C10orf67: variants seen among roughly 807,000 people sequenced by gnomAD.
C10orf67 encodes uncharacterized protein C10orf67, mitochondrial.
A neutral mutation model predicts 35.6 loss-of-function variants in C10orf67; 60 were observed. The observed-to-expected ratio is 1.68, with a 90% CI of 1.37 to 2.09. The LOEUF (loss-of-function observed/expected upper bound fraction) is 2.09, where lower values mean the gene tolerates loss of function less well. C10orf67 is among the 30% of genes most tolerant of loss of function. The pLI, the probability that C10orf67 is intolerant of heterozygous loss-of-function variation, is 0.00. For missense variants in C10orf67, 474 were observed against 330.2 expected (o/e 1.44, Z -3.38); for synonymous variants, 167 against 115.8 (o/e 1.44, Z -2.84).
At chr10:23,304,982 C>T (rs536111127) in intron 4 of C10orf67, among the ~76,000 whole-genome samples, 11 of 152,274 alleles carry the variant, frequency 7.2e-5, no homozygotes, top group East Asian at 5.8e-4. Flanking sequence ...CCACGTAACT[C>T]GGCTGCAACC....
At chr10:23,295,981 C>T (rs1480442540) in intron 5 of C10orf67, among the ~76,000 whole-genome samples, 2 of 152,090 alleles carry the variant, frequency 1.3e-5, no homozygotes, top group Non-Finnish European at 2.9e-5. Flanking sequence ...AAATACGATC[C>T]TTTAGAATGG....
downstream of C10orf67, chr10:23,202,106 C>G (rs1424208011): frequency 4.6e-5 from 7 of 152,240 alleles, no homozygotes; most frequent in African/African-American, 4.8e-5. Flanking sequence ...TCTGTGCGTG[C>G]TCAGGACCCC....
intron 15 of C10orf67, among the ~76,000 whole-genome samples, chr10:23,221,421 T>A (rs1160218824): frequency 6.6e-6 from 1 of 152,170 alleles, no homozygotes; most frequent in East Asian, 1.9e-4. Context: ...ATCTAATACC[T>A]CTTTAATAGG....
At chr10:23,290,137 A>C (rs1237407041) in intron 6 of C10orf67, among the ~76,000 whole-genome samples, 179 bp from the exon 7 acceptor site, 1 of 152,196 alleles carries the variant, frequency 6.6e-6, no homozygotes, top group Non-Finnish European at 1.5e-5. Context: ...TGCTGTTCAG[A>C]TGGCCGGTCA....
chr10:23,341,047 A>G (rs1212840252), intron 1 of C10orf67, among the ~76,000 whole-genome samples: 1 of 152,204 alleles, frequency 6.6e-6, no homozygotes, highest in African/African-American at 2.4e-5. Context: ...TCAGGGCTAA[A>G]TAAGAATATT....
chr10:23,217,360 T>C (rs1841459285), intron 15 of C10orf67, among the ~76,000 whole-genome samples: 2 of 152,220 alleles, frequency 1.3e-5, no homozygotes, highest in Admixed American at 1.3e-4. Flanking sequence ...GGATGTCATG[T>C]CAAACTCAGT....
chr10:23,216,281 T>C (rs561286741), intron 15 of C10orf67, among the ~76,000 whole-genome samples: 82 of 152,272 alleles, frequency 5.4e-4, no homozygotes, highest in African/African-American at 1.9e-3. Context: ...TCTTATTAGT[T>C]ATCAGGGAAT....
chr10:23,225,731 T>C (rs994272030), intron 13 of C10orf67, among the ~76,000 whole-genome samples: 3 of 152,058 alleles, frequency 2.0e-5, no homozygotes, highest in Non-Finnish European at 4.4e-5. Context: ...TAGTCTCTGA[T>C]AAAACAGACT....
chr10:23,281,614 G>T (rs947919439), intron 8 of C10orf67, among the ~76,000 whole-genome samples: 8 of 152,236 alleles, frequency 5.3e-5, no homozygotes, highest in Middle Eastern at 3.4e-3. Context: ...TTTCTTATGA[G>T]ACTAACACAG....
rs112660642 is a variant in C10orf67 at position 23,279,712 on chromosome 10, T to C, written c.975+2301A>G. On this transcript the variant is annotated intron_variant, in intron 8 of 15. Coordinates refer to ENST00000636213, the MANE Select transcript of C10orf67 (RefSeq NM_001371909.1). ...ACTCAGCCTAGGAATCATGGGAAGA[T>C]ACAAAATTATTTCATATGCTTCCTC... Among the ~76,000 whole-genome samples, 150 of 152,138 alleles carry C rather than the reference T, an allele frequency of 9.9e-4. 1 individual carries two copies. Among genetic ancestry groups the C allele is most frequent in the Non-Finnish European group, 1.9e-3 (126 of 68,022 alleles).
Position 23,344,641 on chromosome 10 carries a change from A to C in C10orf67, c.134T>G (p.Leu45Arg). The C allele has an allele frequency of 6.3e-7, 1 of 1,581,056 alleles. No individual in the cohort carries two copies. Among genetic ancestry groups the C allele is most frequent in the Non-Finnish European group, 8.6e-7 (1 of 1,164,186 alleles). ...WEAMKAKATE[L>R]RVCCARRKRE... ...CTTCCTACGCGCGCAGCAGACCCGC[A>C]GCTCGGTGGCCTTGGCTTTCATGGC... The change falls in exon 1 of 16, where the codon CTG becomes CGG. Residue 45 changes from leucine (L) to arginine (R), a missense_variant. Transcript: ENST00000636213.
intron 15 of C10orf67, among the ~76,000 whole-genome samples, chr10:23,213,730 C>T (rs756076785): frequency 6.6e-6 from 1 of 152,048 alleles, no homozygotes; most frequent in Non-Finnish European, 1.5e-5. Context: ...GCTTTCAAAT[C>T]AGCATGGGGG....
intron 15 of C10orf67, among the ~76,000 whole-genome samples, chr10:23,214,530 A>T (rs1841384244): frequency 6.6e-6 from 1 of 152,222 alleles, no homozygotes; most frequent in Non-Finnish European, 1.5e-5. Flanking sequence ...TGTAATAAAA[A>T]TAAAAAATGA....
At chr10:23,270,352 C>T (rs1035073928) in intron 8 of C10orf67, among the ~76,000 whole-genome samples, 7 of 152,162 alleles carry the variant, frequency 4.6e-5, no homozygotes, top group Admixed American at 4.6e-4. Context: ...ATGCTTCTCC[C>T]ATAGATCTTT....
intron 1 of C10orf67, chr10:23,343,981 G>A (rs1182075324): frequency 4.4e-6 from 2 of 453,582 alleles, no homozygotes; most frequent in Non-Finnish European, 9.1e-6. Context: ...TGTCTCAGGC[G>A]AGTCGCCCCA....
intron 4 of C10orf67, among the ~76,000 whole-genome samples, chr10:23,307,715 C>A (rs1238556775): frequency 1.3e-5 from 2 of 151,396 alleles, no homozygotes; most frequent in East Asian, 3.9e-4. Context: ...AGTGATCTTC[C>A]CACCTCTGCC....
At chr10:23,314,816 C>T (rs1844638249) in intron 4 of C10orf67, among the ~76,000 whole-genome samples, 1 of 152,126 alleles carries the variant, frequency 6.6e-6, no homozygotes, top group African/African-American at 2.4e-5. Context: ...GAGACTCTAG[C>T]AAGACAGATA....
chr10:23,249,958 A>T (rs956862681), intron 12 of C10orf67, among the ~76,000 whole-genome samples: 1 of 152,236 alleles, frequency 6.6e-6, no homozygotes, highest in Non-Finnish European at 1.5e-5. Context: ...AGAATTTTAC[A>T]GTTTCTCCAT....
intron 13 of C10orf67, among the ~76,000 whole-genome samples, chr10:23,238,994 A>AT (rs1405634766): frequency 6.6e-6 from 1 of 152,140 alleles, no homozygotes; most frequent in Non-Finnish European, 1.5e-5. Context: ...TTGAAAAAAA[A>AT]TTTCAGAAAG....
Sources: allele counts gnomAD v4.1 joint callset (sites outside exome capture counted in the v4.1 genomes callset), GRCh38; gene constraint gnomAD v4.1.1; transcripts MANE v1.5; gene names NCBI Gene and HGNC (gene_info 2026-07-23, HGNC 2026-07-21).